Variants in ZNF180 observed in about 807,000 individuals in gnomAD.
ZNF180 encodes the protein zinc finger protein 180 (HHZ168).
In ZNF180, 11 loss-of-function variants were observed where a neutral mutation model predicts 11.8. The observed-to-expected ratio is 0.93, with a 90% CI of 0.59 to 1.55. The LOEUF (loss-of-function observed/expected upper bound fraction) is 1.55, where lower values mean the gene tolerates loss of function less well. Ranked by LOEUF, ZNF180 falls within the 40% of genes most tolerant of loss-of-function variation. The probability of loss-of-function intolerance (pLI) is 0.00; values close to 1 mark genes in which losing one functional copy is unlikely to be tolerated. For missense variants in ZNF180, 773 were observed against 781.7 expected, an observed-to-expected ratio of 0.99 and a Z score of 0.13; for synonymous variants, 287 against 257.7, an observed-to-expected ratio of 1.11 and a Z score of -1.09.
chr19:44,476,464 T>A lies in ZNF180; in HGVS notation c.1936A>T (p.Ser646Cys), dbSNP rs1969873830. 2.5e-6 allele frequency: 4 copies of A among 1,613,986 alleles called. No individual in the cohort carries two copies. In the East Asian group the frequency reaches 8.9e-5, roughly 36 times the overall value. The change falls in exon 5 of 5, where the codon AGC becomes TGC. Residue 646 changes from serine to cysteine, a missense_variant. Physicochemically the swap from Ser to Cys is moderately radical, Grantham distance 112. Coordinates refer to ENST00000592529, the MANE Select transcript of ZNF180 (RefSeq NM_001278509.3). ...GCCTGATGCCTAATAAGTTTATAGC[T>A]ATTAATGAAAGCTTTTCCACACTGA... ...CIQCGKAFIN[S>C]YKLIRHQATH...
intron 4 of ZNF180, among the ~76,000 whole-genome samples, chr19:44,478,619 T>C (rs1969996575): frequency 6.6e-6 from 1 of 152,212 alleles, no homozygotes; most frequent in Non-Finnish European, 1.5e-5. Flanking sequence ...ACTATGTTTG[T>C]GAACAAAAGA....
intron 3 of ZNF180, among the ~76,000 whole-genome samples, chr19:44,482,849 A>G (rs1970118412): frequency 6.6e-6 from 1 of 152,242 alleles, no homozygotes; most frequent in South Asian, 2.1e-4. Context: ...AGACCAAGGG[A>G]GTCAGAGAAA....
chr19:44,488,176 CCTT>C (rs1970291050), intron 2 of ZNF180, among the ~76,000 whole-genome samples: 1 of 72,278 alleles, frequency 1.4e-5, no homozygotes, highest in Non-Finnish European at 2.7e-5. Context: ...GTCTCCCTCT[CCTT>C]CTCTTTCCAC....
chr19:44,500,367 C>T lies in ZNF180; in HGVS notation c.-136G>A. On this transcript the variant is annotated 5_prime_UTR_variant, in exon 1 of 5. Transcript: ENST00000592529. ...GGCAGGACGAACTCGGGTTAGGCAA[C>T]CCCCTGCCCCGATTCTGCAACACGG... 8.4e-7 allele frequency: 1 copy of T among 1,189,256 alleles called. No individual in the cohort carries two copies. The highest frequency in any genetic ancestry group is 2.1e-4 in the Middle Eastern group (1 of 4,752). The allele number at this position is 1,189,256 out of a possible 1,614,324, so 73.7% of individuals were successfully genotyped here.
intron 4 of ZNF180, 44 bp downstream of exon 4, chr19:44,479,239 C>A (rs536020055): frequency 6.3e-7 from 1 of 1,594,442 alleles, no homozygotes; most frequent in Admixed American, 1.8e-5. Context: ...AATGTGAAAT[C>A]ATTTCAGTAG....
Position 44,477,297 on chromosome 19 carries a change from T to C in ZNF180, c.1103A>G (p.His368Arg). 1.2e-6 allele frequency: 2 copies of C among 1,612,542 alleles called. No individual in the cohort carries two copies. Among genetic ancestry groups the C allele is most frequent in the Non-Finnish European group, 1.7e-6 (2 of 1,178,882 alleles). ...ATGAGTTCTCTGATGGGAAACAAGG[T>C]GCGAGCTCCGGCTGAAGGATTTTCC... is the stretch of plus-strand genomic sequence containing the variant. Reference protein sequence around the residue: ...ECGKSFSRSSHLVSHQRTHTG... With the variant: ...ECGKSFSRSSRLVSHQRTHTG... Residue 368 changes from histidine to arginine, a missense_variant, in exon 5 of 5, where the codon CAC becomes CGC. Coordinates refer to ENST00000592529, the MANE Select transcript of ZNF180 (RefSeq NM_001278509.3).
At position 44,476,985 on chromosome 19, in the gene ZNF180, C is replaced by T; in HGVS notation, c.1415G>A (p.Gly472Glu). ...TTTATAACTTTGACTAAAGGATTTC[C>T]CACACTGATTGCATTCATAGGGTTT... ...GEKPYECNQC[G>E]KSFSQSYKLV... The change falls in exon 5 of 5, where the codon GGG becomes GAG. Residue 472 changes from glycine to glutamate, a missense_variant. Gly to Glu is a moderately conservative substitution (Grantham distance 98). Transcript: ENST00000592529. The T allele has an allele frequency of 6.2e-7, 1 of 1,614,068 alleles. No individual in the cohort carries two copies. Among genetic ancestry groups the T allele is most frequent in the East Asian group, 2.2e-5 (1 of 44,866 alleles).
intron 3 of ZNF180, 84 bp downstream of exon 3, chr19:44,484,269 AGCCACCGC>A: frequency 1.9e-6 from 2 of 1,027,672 alleles, no homozygotes; most frequent in Admixed American, 3.5e-5. Context: ...AAGTGCTGGC[AGCCACCGC>A]GCCCGGCCTA....
intron 2 of ZNF180, among the ~76,000 whole-genome samples, chr19:44,485,843 T>C (rs978916805): frequency 3.9e-5 from 6 of 152,258 alleles, no homozygotes; most frequent in African/African-American, 1.4e-4. Flanking sequence ...TATTAATTCA[T>C]GTACAGAGTT....
chr19:44,491,803 C>G (rs980465780), intron 2 of ZNF180, among the ~76,000 whole-genome samples: 1 of 152,150 alleles, frequency 6.6e-6, no homozygotes, highest in Admixed American at 6.5e-5. Flanking sequence ...GTCTTGAACT[C>G]CTGGCCTCAA....
chr19:44,489,290 A>C (rs1243528967), intron 2 of ZNF180, among the ~76,000 whole-genome samples: 1 of 140,068 alleles, frequency 7.1e-6, no homozygotes, highest in African/African-American at 2.5e-5. Flanking sequence ...GTTTTGTGGA[A>C]TAGAAAAGGG....
intron 3 of ZNF180, among the ~76,000 whole-genome samples, chr19:44,482,056 A>T (rs1326258818): frequency 2.6e-5 from 4 of 152,348 alleles, no homozygotes; most frequent in Admixed American, 1.3e-4. Flanking sequence ...CTATAATCCC[A>T]GCACTTTGGG....
chr19:44,477,925 G>A lies in ZNF180; in HGVS notation c.475C>T (p.His159Tyr), dbSNP rs775362723. 1 of 1,613,924 alleles carries A rather than the reference G, an allele frequency of 6.2e-7. No homozygotes were observed. ...TCATCACTTTTGCAGACTCTCTCAT[G>A]AATAACTGCTTTCCTTTGAGTGAAT... is the stretch of plus-strand genomic sequence containing the variant. The part of the protein sequence containing the change: ...VAFTQRKAVI[H>Y]ERVCKSDETG... Residue 159 changes from histidine to tyrosine, a missense_variant, in exon 5 of 5, where the codon CAT becomes TAT. His to Tyr is a moderately conservative substitution (Grantham distance 83). Coordinates refer to ENST00000592529, the MANE Select transcript of ZNF180 (RefSeq NM_001278509.3).
At chr19:44,489,528 T>C (rs181154671) in intron 2 of ZNF180, among the ~76,000 whole-genome samples, 13,453 of 102,568 alleles carry the variant, frequency 0.13, 2,225 homozygotes, top group East Asian at 0.49. Flanking sequence ...GTTAAACAGA[T>C]GCTTGAAGGC....
rs2686771 is a variant in ZNF180, at chr19:44,495,433, C to T, written c.51+1851G>A. Among the ~76,000 whole-genome samples the T allele has an allele frequency of 0.3, 44,961 of 151,970 alleles. 7,879 individuals carry two copies. The highest frequency in any genetic ancestry group is 0.4 in the South Asian group (1,933 of 4,812). The stretch of plus-strand genomic sequence containing the variant: ...CACTGTGTCAGTACCCTCCACATGC[C>T]GCTGGGCTCTGACACCCCTGCAGGC... On this transcript the variant is annotated intron_variant, in intron 2 of 4. Transcript: ENST00000592529. The surrounding 1 kb of genome is among the most constrained non-coding windows in gnomAD (Gnocchi z 4.5).
At chr19:44,482,767 T>C (rs879569529) in intron 3 of ZNF180, among the ~76,000 whole-genome samples, 3 of 152,250 alleles carry the variant, frequency 2.0e-5, no homozygotes, top group Non-Finnish European at 2.9e-5. Flanking sequence ...ACATGTCATA[T>C]GGATTATTCA....
At position 44,476,727 on chromosome 19, in the gene ZNF180, G is replaced by A; in HGVS notation, c.1673C>T (p.Ser558Phe). 1 of 1,614,170 alleles carries A rather than the reference G, an allele frequency of 6.2e-7. No homozygotes were observed. The highest frequency in any genetic ancestry group is 8.5e-7 in the Non-Finnish European group (1 of 1,180,008). The stretch of plus-strand genomic sequence containing the variant: ...AACAAGAACATAACTCTGGCTGAAG[G>A]ATTTCCCACACTGATTACATTCATA... Reference protein sequence around the residue: ...KPYECNQCGKSFSQSYVLVVH... With the variant: ...KPYECNQCGKFFSQSYVLVVH... Residue 558 changes from serine to phenylalanine, a missense_variant, in exon 5 of 5, where the codon TCC becomes TTC. Coordinates refer to ENST00000592529, the MANE Select transcript of ZNF180 (RefSeq NM_001278509.3).
rs944922314 is a variant in ZNF180 at position 44,490,147 on chromosome 19, G to A, written c.52-5712C>T. Among the ~76,000 whole-genome samples the A allele has an allele frequency of 3.0e-5, 3 of 101,532 alleles. 1 individual carries two copies. The highest frequency in any genetic ancestry group is 5.3e-5 in the Non-Finnish European group (3 of 57,066). 66.6% of individuals were successfully genotyped at this position (101,532 alleles called of 152,430 possible). A position where few individuals can be genotyped will look rare whatever the true frequency, so the allele number is the denominator to read the frequency against. ...GAAGGGAAGGGAAGGGAAAGAAAGG[G>A]AAAAAGGAAATAGGAGAAGGGAGGG... On this transcript the variant is annotated intron_variant, in intron 2 of 4. Transcript: ENST00000592529.
In ZNF180 at chr19:44,495,538, C is replaced by T. The variant is rs115191397; in HGVS notation, c.51+1746G>A. 7.1e-3 allele frequency among the ~76,000 whole-genome samples: 1,083 copies of T among 152,212 alleles called. 15 individuals are homozygous for T. The highest frequency in any genetic ancestry group is 0.025 in the African/African-American group (1,043 of 41,526). ...CTGCACCTGACCCCCAACACAGGTG[C>T]ACATCTCACCCCACTCTGGCTCCAA... On this transcript the variant is annotated intron_variant, in intron 2 of 4. Coordinates refer to ENST00000592529, the MANE Select transcript of ZNF180 (RefSeq NM_001278509.3). The surrounding 1 kb of genome is among the most constrained non-coding windows in gnomAD (Gnocchi z 4.5).
Sources: gnomAD v4.1 joint callset for allele counts (sites outside exome capture counted in the v4.1 genomes callset) on GRCh38, gnomAD v4.1.1 for gene constraint, Gnocchi (gnomAD v3.1) non-coding constraint, MANE v1.5 for transcripts, NCBI Gene and HGNC (gene_info 2026-07-23, HGNC 2026-07-21) for gene names.